Variants in ATAD2B observed in about 807,000 individuals in gnomAD.
ATAD2B encodes the protein ATPase family AAA domain containing 2B, also known as ATPase family AAA domain-containing protein 2B.
ATAD2B carries 40 observed loss-of-function variants against 167.6 expected under a neutral mutation model. That is an observed-to-expected ratio of 0.24 (90% confidence interval 0.19 to 0.31). The LOEUF (loss-of-function observed/expected upper bound fraction) is 0.31. ATAD2B is among the 10% of genes least tolerant of loss of function. The pLI is 1.00. For synonymous variants in ATAD2B, 579 were observed against 596.5 expected (o/e 0.97, Z 0.43); for missense variants, 1,242 against 1,757.2 (o/e 0.71, Z 5.24).
intron 1 of ATAD2B, among the ~76,000 whole-genome samples, chr2:23,925,465 T>C (rs1047396773): frequency 2.6e-5 from 4 of 152,220 alleles, no homozygotes; most frequent in African/African-American, 9.6e-5. Flanking sequence ...CATAAAATAT[T>C]GCTTTCCCCC....
intron 24 of ATAD2B, among the ~76,000 whole-genome samples, chr2:23,761,129 C>T (rs553541594): frequency 6.6e-6 from 1 of 152,190 alleles, no homozygotes; most frequent in African/African-American, 2.4e-5. Context: ...TAGAGTACTA[C>T]ATTACACAAT....
At chr2:23,828,326 G>GA (rs1688545828) in intron 15 of ATAD2B, among the ~76,000 whole-genome samples, 3 of 152,106 alleles carry the variant, frequency 2.0e-5, no homozygotes, top group Admixed American at 6.5e-5. Context: ...TCCACTCTGT[G>GA]AAAAATTTAA....
At chr2:23,841,704 C>G (rs756114386) in intron 13 of ATAD2B, among the ~76,000 whole-genome samples, 2 of 151,890 alleles carry the variant, frequency 1.3e-5, no homozygotes, top group Non-Finnish European at 2.9e-5. Flanking sequence ...TTTGTAGACA[C>G]AGCATCTAGT....
intron 23 of ATAD2B, 116 bp downstream of exon 23, chr2:23,765,390 T>C (rs1331149681): frequency 2.4e-6 from 2 of 841,530 alleles, no homozygotes; most frequent in East Asian, 3.4e-5. Context: ...ATTAAATAAA[T>C]ACATTAAATA....
chr2:23,694,109 C>T, the ATAD2B span, among the ~76,000 whole-genome samples: 1 of 152,250 alleles, frequency 6.6e-6, no homozygotes, highest in African/African-American at 2.4e-5. Context: ...AGATCTGTGT[C>T]TCAGGCTGAA....
intron 13 of ATAD2B, among the ~76,000 whole-genome samples, chr2:23,853,994 C>T (rs1202335451): frequency 3.9e-5 from 6 of 152,106 alleles, no homozygotes; most frequent in East Asian, 3.8e-4. Context: ...GCCTGTAATA[C>T]CAGCACTTTG....
intron 22 of ATAD2B, among the ~76,000 whole-genome samples, chr2:23,779,174 CTTTTTTTT>C (rs35835747): frequency 1.0e-5 from 1 of 97,398 alleles, no homozygotes; most frequent in Non-Finnish European, 2.0e-5. Context: ...TTTTTCTTTT[CTTTTTTTT>C]TTTTTTTTTT....
chr2:23,782,808 T>C, intron 22 of ATAD2B, 61 bp downstream of exon 22: 1 of 1,425,116 alleles, frequency 7.0e-7, no homozygotes, highest in African/African-American at 1.4e-5. Flanking sequence ...GACTTAGTAT[T>C]TAAACGGTAA....
At chr2:23,698,857 TC>T in the ATAD2B span, among the ~76,000 whole-genome samples, 1 of 152,168 alleles carries the variant, frequency 6.6e-6, no homozygotes, top group Non-Finnish European at 1.5e-5. Context: ...AATAACAAGC[TC>T]TCAGGAAATT....
At chr2:23,745,111 C>A (rs1021069100), downstream of ATAD2B, among the ~76,000 whole-genome samples, 17 of 151,964 alleles carry the variant, frequency 1.1e-4, no homozygotes. Context: ...CATGGTGAAA[C>A]CCCCGTCCCT....
chr2:23,794,596 GA>G (rs1345349569), intron 19 of ATAD2B, among the ~76,000 whole-genome samples: 2 of 151,856 alleles, frequency 1.3e-5, no homozygotes, highest in Non-Finnish European at 2.9e-5. Context: ...TAAAAAATCT[GA>G]AAATATTCTC....
chr2:23,780,272 TGTGTG>T (rs1679818555), intron 22 of ATAD2B, among the ~76,000 whole-genome samples: 6 of 31,704 alleles, frequency 1.9e-4, no homozygotes, highest in African/African-American at 4.6e-4. Flanking sequence ...TATACTTGTG[TGTGTG>T]TGTGTGTGTG....
At chr2:23,757,296 T>G (rs1676065390) in intron 25 of ATAD2B, 122 bp downstream of exon 25, 5 of 727,784 alleles carry the variant, frequency 6.9e-6, no homozygotes, top group Admixed American at 3.7e-5. Context: ...ATGAAAACTT[T>G]AACATATTCT....
chr2:23,773,101 T>C (rs1233717534), intron 22 of ATAD2B, among the ~76,000 whole-genome samples: 1 of 152,198 alleles, frequency 6.6e-6, no homozygotes, highest in Non-Finnish European at 1.5e-5. Flanking sequence ...GTTTAGAAGA[T>C]TGTCTAAGAT....
intron 1 of ATAD2B, among the ~76,000 whole-genome samples, chr2:23,912,146 T>C (rs935079367): frequency 6.6e-6 from 1 of 152,096 alleles, no homozygotes; most frequent in African/African-American, 2.4e-5. Flanking sequence ...TGAAATCATA[T>C]GCAGTTATGT....
chr2:23,805,485 T>G (rs1048561854), intron 18 of ATAD2B, among the ~76,000 whole-genome samples: 3 of 152,214 alleles, frequency 2.0e-5, no homozygotes, highest in African/African-American at 7.2e-5. Context: ...TGGTCCCACG[T>G]GAAGGGATAT....
At chr2:23,711,470 A>G in the ATAD2B span, among the ~76,000 whole-genome samples, 1 of 145,826 alleles carries the variant, frequency 6.9e-6, no homozygotes, top group Admixed American at 7.1e-5. Flanking sequence ...CCTGGATTCA[A>G]GTGATTCTCC....
chr2:23,837,928 C>G (rs1019160511), intron 13 of ATAD2B, among the ~76,000 whole-genome samples: 2 of 152,126 alleles, frequency 1.3e-5, no homozygotes, highest in Non-Finnish European at 2.9e-5. Context: ...GTGTTTCATG[C>G]CTAATTATAA....
At chr2:23,804,764 C>T (rs1246653685) in intron 18 of ATAD2B, among the ~76,000 whole-genome samples, 11 of 151,204 alleles carry the variant, frequency 7.3e-5, no homozygotes, top group Admixed American at 2.0e-4. Context: ...AACATTAAAC[C>T]AGTAATGTTT....
Sources: gnomAD v4.1 joint callset for allele counts (sites outside exome capture counted in the v4.1 genomes callset) on GRCh38, gnomAD v4.1.1 for gene constraint, MANE v1.5 for transcripts, NCBI Gene and HGNC (gene_info 2026-07-23, HGNC 2026-07-21) for gene names.